The following NPL variants were observed in gnomAD, a reference collection of about 807,000 sequenced individuals.
NPL encodes the protein N-acetylneuraminate pyruvate lyase.
In NPL, 32 loss-of-function variants were observed where a neutral mutation model predicts 41.1. That is an observed-to-expected ratio of 0.78 (90% CI 0.59 to 1.05). NPL has a LOEUF of 1.05. NPL is among the 50% of genes least tolerant of loss of function. The probability of loss-of-function intolerance (pLI) is 0.00; values close to 1 mark genes in which losing one functional copy is unlikely to be tolerated. For missense variants in NPL, 321 were observed against 378.4 expected (o/e 0.85, Z 1.26); for synonymous variants, 128 against 134.9 (o/e 0.95, Z 0.35).
At chr1:182,821,460 A>C (rs1275055517) in intron 10 of NPL, among the ~76,000 whole-genome samples, 1 of 152,222 alleles carries the variant, frequency 6.6e-6, no homozygotes, top group African/African-American at 2.4e-5. Flanking sequence ...AGAAGACAAC[A>C]TGAAGCAATG....
intron 3 of NPL, 93 bp from the exon 4 acceptor site, chr1:182,803,605 A>G: frequency 3.6e-6 from 3 of 826,518 alleles, no homozygotes; most frequent in East Asian, 2.6e-5. Context: ...TTTAATAACT[A>G]TTAGCAAGAG....
intron 10 of NPL, among the ~76,000 whole-genome samples, chr1:182,821,449 T>C (rs1354368503): frequency 6.6e-6 from 1 of 152,192 alleles, no homozygotes; most frequent in Non-Finnish European, 1.5e-5. Context: ...TGAATTGTTA[T>C]AGAAGACAAC....
chr1:182,798,227 G>T (rs939225192), intron 3 of NPL, among the ~76,000 whole-genome samples: 6 of 147,842 alleles, frequency 4.1e-5, no homozygotes, highest in African/African-American at 7.6e-5. Context: ...TCTAATGAAA[G>T]ACTTGCTTTT....
chr1:182,794,583 C>T, intron 3 of NPL, 144 bp downstream of exon 3: 1 of 783,288 alleles, frequency 1.3e-6, no homozygotes, highest in Non-Finnish European at 2.2e-6. Context: ...TCCCTCTGCA[C>T]TGTCTCTGAT....
intron 10 of NPL, 137 bp from the exon 11 acceptor site, chr1:182,821,978 C>G: frequency 1.4e-6 from 1 of 711,862 alleles, no homozygotes; most frequent in Admixed American, 2.0e-5. Flanking sequence ...GTCTTGTCCC[C>G]TAATAGATTA....
intron 3 of NPL, among the ~76,000 whole-genome samples, chr1:182,794,904 C>T (rs1235262037): frequency 6.6e-6 from 1 of 152,118 alleles, no homozygotes; most frequent in Non-Finnish European, 1.5e-5. Flanking sequence ...AATGTCCTAC[C>T]CTGAGGAAAG....
Position 182,825,828 on chromosome 1 carries a change from C to T in NPL, c.778+8C>T. ...ACTTTGTTGTCAAACTAGGTAAGTG[C>T]CACCCATCTTCTGCTTTGTCTGCTG... On this transcript the variant is annotated splice_region_variant and intron_variant, in intron 12 of 12. Transcript: ENST00000367553. The T allele has an allele frequency of 1.3e-6, 2 of 1,597,286 alleles. No individual in the cohort carries two copies. The highest frequency in any genetic ancestry group is 8.6e-7 in the Non-Finnish European group (1 of 1,167,516).
chr1:182,790,275 C>A (rs1328513708), intron 1 of NPL, among the ~76,000 whole-genome samples: 1 of 152,164 alleles, frequency 6.6e-6, no homozygotes, highest in African/African-American at 2.4e-5. Context: ...CTTAAAAAAA[C>A]AACTTTGCCA....
At chr1:182,790,613 T>TTG (rs1553232091) in intron 1 of NPL, among the ~76,000 whole-genome samples, 14 of 150,376 alleles carry the variant, frequency 9.3e-5, no homozygotes, top group Non-Finnish European at 1.6e-4. Context: ...GTTAAAGTCT[T>TTG]TTGTTGTTGT....
chr1:182,818,943 G>A (rs1227343621), intron 10 of NPL, 84 bp downstream of exon 10: 1 of 1,134,728 alleles, frequency 8.8e-7, no homozygotes, highest in Non-Finnish European at 1.3e-6. Flanking sequence ...TCTTGCATGT[G>A]TATCCTTTCT....
At chr1:182,807,329 T>C (rs1667043781) in intron 5 of NPL, among the ~76,000 whole-genome samples, 1 of 151,546 alleles carries the variant, frequency 6.6e-6, no homozygotes, top group African/African-American at 2.4e-5. Context: ...TTGTCTTAGG[T>C]GGAGGTAAAA....
intron 2 of NPL, among the ~76,000 whole-genome samples, chr1:182,794,037 A>T (rs1666587975): frequency 6.6e-6 from 1 of 152,178 alleles, no homozygotes; most frequent in African/African-American, 2.4e-5. Flanking sequence ...TGTTTTACTT[A>T]CCTGAGTTAG....
chr1:182,800,816 A>G (rs1571428836), intron 3 of NPL, among the ~76,000 whole-genome samples: 1 of 129,344 alleles, frequency 7.7e-6, no homozygotes, highest in Non-Finnish European at 1.5e-5. Context: ...TGCAACCTCC[A>G]CCTCCCGGGT....
chr1:182,825,766 G>GT lies in NPL; in HGVS notation c.739-13dup, dbSNP rs3831265. 0.12 allele frequency: 185,886 copies of GT among 1,492,118 alleles called. 20,457 individuals carry two copies. Among genetic ancestry groups the GT allele is most frequent in the African/African-American group, 0.56 (40,031 of 71,604 alleles). 92.4% of individuals were successfully genotyped at this position (1,492,118 alleles called of 1,614,324 possible). On this transcript the variant is annotated splice_polypyrimidine_tract_variant and intron_variant, in intron 11 of 12. Coordinates refer to ENST00000367553, the MANE Select transcript of NPL (RefSeq NM_030769.3). ...GTTCAATAATACTAACTATAGATAT[G>GT]TTGTTCTTTTCTAGTTTTGTATCCA...
intron 5 of NPL, chr1:182,809,053 C>T (rs113916644): frequency 0.048 from 10,395 of 218,028 alleles, 718 homozygotes; most frequent in African/African-American, 0.17. Flanking sequence ...ACAGATGTTC[C>T]TCCACTGATG....
intron 5 of NPL, among the ~76,000 whole-genome samples, chr1:182,808,257 T>C (rs1306824001): frequency 6.6e-6 from 1 of 152,226 alleles, no homozygotes; most frequent in Non-Finnish European, 1.5e-5. Context: ...ATTGTAACTA[T>C]TTAGATGCAG....
At chr1:182,800,605 G>C (rs1666815369) in intron 3 of NPL, among the ~76,000 whole-genome samples, 1 of 151,980 alleles carries the variant, frequency 6.6e-6, no homozygotes, top group Admixed American at 6.6e-5. Flanking sequence ...CTGCAAACTT[G>C]CACCTGCAGA....
intron 10 of NPL, 37 bp from the exon 11 acceptor site, chr1:182,822,078 G>C: frequency 7.6e-7 from 1 of 1,307,756 alleles, no homozygotes; most frequent in African/African-American, 1.5e-5. Flanking sequence ...TTCCTGTTGA[G>C]TTATTGAACC....
chr1:182,812,888 G>A (rs570012980), intron 6 of NPL, among the ~76,000 whole-genome samples: 2 of 152,034 alleles, frequency 1.3e-5, no homozygotes, highest in South Asian at 4.2e-4. Flanking sequence ...GGGTGAATTG[G>A]TTAAGAAAAG....
Sources: gnomAD v4.1 joint callset for allele counts (sites outside exome capture counted in the v4.1 genomes callset) on GRCh38, gnomAD v4.1.1 for gene constraint, MANE v1.5 for transcripts, NCBI Gene and HGNC (gene_info 2026-07-23, HGNC 2026-07-21) for gene names.